Variants in GREB1L observed in about 807,000 individuals in gnomAD.
The protein encoded by GREB1L is GREB1-like protein.
In GREB1L, 17 loss-of-function variants were observed where a neutral mutation model predicts 200.8. That is an observed-to-expected ratio of 0.08 (90% confidence interval 0.06 to 0.13). GREB1L has a LOEUF of 0.13. GREB1L is among the 10% of genes least tolerant of loss of function. The probability of loss-of-function intolerance (pLI) is 1.00; values close to 1 mark genes in which losing one functional copy is unlikely to be tolerated. For synonymous variants in GREB1L, 789 were observed against 893.0 expected, an observed-to-expected ratio of 0.88 and a Z score of 2.08; for missense variants, 1,657 against 2,367.7, an observed-to-expected ratio of 0.70 and a Z score of 6.23.
Position 21,505,536 on chromosome 18 carries a change from G to A in GREB1L, c.4197G>A (p.Val1399=), listed in dbSNP as rs951103718. ...CCAAGTACAGTTTGATGAGCCTGGTGTATACTGAGAAGCTGGCAGGGGTCA... is the reference window on the plus strand; with the variant it reads ...CCAAGTACAGTTTGATGAGCCTGGTATATACTGAGAAGCTGGCAGGGGTCA... ...HDPKYSLMSL[V]YTEKLAGVKQ... Residue 1399 remains valine, a synonymous_variant, in exon 24 of 33, where the codon GTG becomes GTA. Coordinates refer to ENST00000424526, the MANE Select transcript of GREB1L (RefSeq NM_001142966.3). 1.3e-6 allele frequency: 2 copies of A among 1,551,710 alleles called. No individual in the cohort carries two copies. The highest frequency in any genetic ancestry group is 2.7e-5 in the African/African-American group (2 of 73,044).
chr18:21,368,743 T>A (rs1449122723), intron 2 of GREB1L, among the ~76,000 whole-genome samples: 1 of 152,192 alleles, frequency 6.6e-6, no homozygotes, highest in Non-Finnish European at 1.5e-5. Flanking sequence ...TAAATGTACT[T>A]CTGTTTTACT....
intron 1 of GREB1L, among the ~76,000 whole-genome samples, chr18:21,259,564 A>C (rs1598611280): frequency 6.6e-6 from 1 of 152,200 alleles, no homozygotes; most frequent in East Asian, 1.9e-4. Context: ...ATGTTCCTCA[A>C]ACCATTACTA....
chr18:21,426,533 A>G (rs542639296), intron 7 of GREB1L, among the ~76,000 whole-genome samples: 23 of 151,944 alleles, frequency 1.5e-4, no homozygotes, highest in Non-Finnish European at 3.4e-4. Flanking sequence ...TTATCTCTGG[A>G]CTCTCAGTGT....
chr18:21,272,343 G>C (rs1296777983), intron 1 of GREB1L, among the ~76,000 whole-genome samples: 1 of 152,208 alleles, frequency 6.6e-6, no homozygotes, highest in Non-Finnish European at 1.5e-5. Flanking sequence ...TCCATTGTCA[G>C]AGCTAGGAAA....
intron 32 of GREB1L, among the ~76,000 whole-genome samples, chr18:21,521,371 CAAAAA>C: frequency 8.3e-6 from 1 of 120,910 alleles, no homozygotes; most frequent in South Asian, 2.7e-4. Flanking sequence ...AACTCCATCT[CAAAAA>C]AAAAAAAAAG....
Position 21,439,541 on chromosome 18 carries a change from A to G in GREB1L, c.853A>G (p.Ser285Gly). ...TACAGATGCTGCTAATGGAAACAGT[A>G]GCCATGGAGGGAAGGGCAGTGCATC... is the stretch of plus-strand genomic sequence containing the variant. ...TQTDAANGNS[S>G]HGGKGSASSS... is the part of the protein sequence containing the mutation. The change falls in exon 8 of 33, where the codon AGC (serine) becomes GGC (glycine). Residue 285 changes from serine to glycine, a missense_variant. Physicochemically the swap from Ser to Gly is moderately conservative, Grantham distance 56 (BLOSUM62 0). This residue lies in a region of GREB1L where 289 missense variants were observed against 345.1 expected (regional missense o/e 0.84). Coordinates refer to ENST00000424526, the MANE Select transcript of GREB1L (RefSeq NM_001142966.3). 3.9e-6 allele frequency: 6 copies of G among 1,548,910 alleles called. No individual in the cohort carries two copies. The highest frequency in any genetic ancestry group is 5.2e-6 in the Non-Finnish European group (6 of 1,144,216).
At chr18:21,411,553 G>A (rs1215010566) in intron 7 of GREB1L, among the ~76,000 whole-genome samples, 1 of 152,128 alleles carries the variant, frequency 6.6e-6, no homozygotes, top group Non-Finnish European at 1.5e-5. Flanking sequence ...TACACTGCTG[G>A]TAGGAGTGTT....
At chr18:21,344,348 C>A (rs2039313073) in intron 1 of GREB1L, among the ~76,000 whole-genome samples, 1 of 152,000 alleles carries the variant, frequency 6.6e-6, no homozygotes, top group South Asian at 2.1e-4. Context: ...TTGCAGTAAG[C>A]CGAGATTGTG....
At chr18:21,311,239 T>C (rs1319111353) in intron 1 of GREB1L, among the ~76,000 whole-genome samples, 1 of 152,180 alleles carries the variant, frequency 6.6e-6, no homozygotes, top group Non-Finnish European at 1.5e-5. Flanking sequence ...AAGAGTAAAA[T>C]AAACAAAACT....
rs763133272 is a variant in GREB1L, at chr18:21,500,054, C to T, written c.3717C>T (p.Tyr1239=). 43 of 1,551,548 alleles carry T rather than the reference C, an allele frequency of 2.8e-5. No homozygotes were observed. The highest frequency in any genetic ancestry group is 3.7e-5 in the Non-Finnish European group (42 of 1,147,004). Residue 1239 remains tyrosine (Y), a synonymous_variant, in exon 22 of 33, where the codon TAC becomes TAT. Transcript: ENST00000424526. ...PPVVILSKAA[Y]SLLGSQKSGK... ...TGGTGATCCTATCCAAAGCGGCCTACAGTCTCCTGGGCTCCCAGAAGAGTG... is the reference window on the plus strand; with the variant it reads ...TGGTGATCCTATCCAAAGCGGCCTATAGTCTCCTGGGCTCCCAGAAGAGTG...
chr18:21,478,441 A>T (rs142876904), intron 17 of GREB1L, among the ~76,000 whole-genome samples: 220 of 152,338 alleles, frequency 1.4e-3, no homozygotes, highest in African/African-American at 5.1e-3. Flanking sequence ...TGGATATTTT[A>T]AAATAAACAT....
chr18:21,300,644 ATT>A (rs987433537), intron 1 of GREB1L, among the ~76,000 whole-genome samples: 1 of 152,146 alleles, frequency 6.6e-6, no homozygotes, highest in African/African-American at 2.4e-5. Context: ...AATGGAACAT[ATT>A]TTCACCTAGT....
chr18:21,489,553 G>C (rs1037032463), intron 18 of GREB1L, among the ~76,000 whole-genome samples: 1 of 152,160 alleles, frequency 6.6e-6, no homozygotes, highest in Non-Finnish European at 1.5e-5. Context: ...CCAGCAAGAG[G>C]TGAGGATCCA....
Position 21,505,418 on chromosome 18 carries a change from A to G in GREB1L, c.4079A>G (p.Asn1360Ser), listed in dbSNP as rs976443505. Reference protein sequence around the residue: ...YDEEEINTDHNESSEVSQSEG... With the variant: ...YDEEEINTDHSESSEVSQSEG... Reference sequence around the variant, plus strand: ...CACTTCCTTCTTGTCCTAGATCACAATGAAAGCAGTGAAGTGAGCCAGTCA... The same window carrying G: ...CACTTCCTTCTTGTCCTAGATCACAGTGAAAGCAGTGAAGTGAGCCAGTCA... The change falls in exon 24 of 33, where the codon AAT becomes AGT. Residue 1360 changes from asparagine (N) to serine (S), a missense_variant. Transcript: ENST00000424526. The G allele has an allele frequency of 1.2e-5, 19 of 1,550,890 alleles. No individual in the cohort carries two copies. Among genetic ancestry groups the G allele is most frequent in the East Asian group, 9.8e-5 (4 of 40,938 alleles).
At chr18:21,439,483 G>A (rs1389839056) in intron 7 of GREB1L, 38 bp from the exon 8 acceptor site, 1 of 1,255,162 alleles carries the variant, frequency 8.0e-7, no homozygotes, top group Admixed American at 2.0e-5. Flanking sequence ...GCCCCGCCCA[G>A]CCTCTGTTCT....
intron 27 of GREB1L, among the ~76,000 whole-genome samples, chr18:21,510,027 G>A (rs994891258): frequency 1.3e-5 from 2 of 151,774 alleles, no homozygotes; most frequent in Non-Finnish European, 2.9e-5. Context: ...GGCCAACATG[G>A]TGAAACCCCA....
chr18:21,441,357 T>G lies in GREB1L; in HGVS notation c.1070-43T>G. The G allele has an allele frequency of 5.4e-6, 8 of 1,481,266 alleles. No homozygotes were observed. In the East Asian group the frequency reaches 1.8e-4, roughly 33 times the overall value. The allele number at this position is 1,481,266 out of a possible 1,614,324, so 91.8% of individuals were successfully genotyped here. A position where few individuals can be genotyped will look rare whatever the true frequency, so the allele number is the denominator to read the frequency against. ...GCATTGCTTTCTATTGTATTTCATT[T>G]AGTTTTCACGCCATCTTTCTTGTCA... On this transcript the variant is annotated intron_variant, in intron 9 of 32. Transcript: ENST00000424526.
intron 1 of GREB1L, among the ~76,000 whole-genome samples, chr18:21,264,062 A>C (rs1357528804): frequency 6.6e-6 from 1 of 152,234 alleles, no homozygotes; most frequent in East Asian, 1.9e-4. Flanking sequence ...TAACTTCAAA[A>C]TCAAGCATCT....
At chr18:21,342,075 G>A (rs2039277353) in intron 1 of GREB1L, among the ~76,000 whole-genome samples, 1 of 152,056 alleles carries the variant, frequency 6.6e-6, no homozygotes, top group African/African-American at 2.4e-5. Context: ...TTTAGGATTA[G>A]CATTTAAATT....
Sources: allele counts gnomAD v4.1 joint callset (sites outside exome capture counted in the v4.1 genomes callset), GRCh38; gene constraint gnomAD v4.1.1; regional missense constraint gnomAD v4.1.1; transcripts MANE v1.5; gene names NCBI Gene and HGNC (gene_info 2026-07-23, HGNC 2026-07-21).